Variants in ADGRL3 observed in about 807,000 individuals in gnomAD.
The protein encoded by ADGRL3 is adhesion G protein-coupled receptor L3.
In ADGRL3, 62 loss-of-function variants were observed where a neutral mutation model predicts 153.5. The ratio of observed to expected loss-of-function variants is 0.40; its 90% CI spans 0.33 to 0.50. The LOEUF (loss-of-function observed/expected upper bound fraction) is 0.50. Among genes scored for constraint, ADGRL3 ranks in the 20% least tolerant of loss-of-function variants. The pLI, the probability that ADGRL3 is intolerant of heterozygous loss-of-function variation, is 0.47. For missense variants in ADGRL3, 1,641 were observed against 1,859.4 expected, an observed-to-expected ratio of 0.88 and a Z score of 2.16; for synonymous variants, 710 against 672.5, an observed-to-expected ratio of 1.06 and a Z score of -0.86.
At chr4:61,699,498 G>A (rs923834905) in intron 6 of ADGRL3, among the ~76,000 whole-genome samples, 22 of 152,150 alleles carry the variant, frequency 1.4e-4, no homozygotes, top group East Asian at 1.9e-4. Context: ...ATCTTGTGGG[G>A]CCTTGTGGGA....
intron 5 of ADGRL3, among the ~76,000 whole-genome samples, chr4:61,651,965 T>C (rs1380822311): frequency 6.6e-6 from 1 of 151,876 alleles, no homozygotes; most frequent in African/African-American, 2.4e-5. Context: ...AAAACAAAAT[T>C]TGTATTAAAA....
At chr4:61,598,301 A>G (rs2098997554) in intron 5 of ADGRL3, among the ~76,000 whole-genome samples, 2 of 152,198 alleles carry the variant, frequency 1.3e-5, no homozygotes, top group South Asian at 2.1e-4. Context: ...CTGCGAACTA[A>G]CAGAAAAGTG....
intron 13 of ADGRL3, among the ~76,000 whole-genome samples, chr4:61,922,320 T>C (rs959913445): frequency 4.6e-5 from 7 of 152,274 alleles, no homozygotes; most frequent in African/African-American, 7.2e-5. Flanking sequence ...CTAATAGATA[T>C]TATTTTTTGA....
In ADGRL3 at chr4:61,432,616, T is replaced by C. The variant is rs925961533; in HGVS notation, c.-174+49427T>C. On this transcript the variant is annotated intron_variant, in intron 2 of 26. Coordinates refer to ENST00000683033, the MANE Select transcript of ADGRL3 (RefSeq NM_001387552.1). ...TTTCTTTCTTTCTTTCTTTCTTTCT[T>C]TCTTTCTTTCTTTCTTTCTTTCTTT... 1.2e-4 allele frequency among the ~76,000 whole-genome samples: 9 copies of C among 77,972 alleles called. 1 individual carries two copies. The highest frequency in any genetic ancestry group is 2.4e-4 in the East Asian group (1 of 4,090). The allele number at this position is 77,972 out of a possible 152,430, so 51.2% of individuals were successfully genotyped here.
intron 5 of ADGRL3, among the ~76,000 whole-genome samples, chr4:61,619,246 A>G (rs908289356): frequency 1.5e-4 from 23 of 152,190 alleles, no homozygotes. Context: ...ACAAAGTTTT[A>G]TCATGAGTAT....
intron 4 of ADGRL3, among the ~76,000 whole-genome samples, chr4:61,584,880 A>G (rs1381502460): frequency 2.0e-5 from 3 of 151,970 alleles, no homozygotes; most frequent in African/African-American, 7.2e-5. Context: ...AAATGTCTAT[A>G]TCCATGAAAA....
chr4:61,659,474 A>G (rs1309064664), intron 5 of ADGRL3, among the ~76,000 whole-genome samples: 3 of 152,208 alleles, frequency 2.0e-5, no homozygotes, highest in Admixed American at 6.5e-5. Flanking sequence ...GACACATGGT[A>G]GTCTTTTAAT....
chr4:62,010,704 A>AT (rs11368785), intron 21 of ADGRL3, among the ~76,000 whole-genome samples: 134,979 of 151,966 alleles, frequency 0.89, 60,641 homozygotes, highest in South Asian at 0.95. Flanking sequence ...TCTTATGAAA[A>AT]GGGAACATTT....
Position 61,513,838 on chromosome 4 carries a change from G to A in ADGRL3, c.56-3477G>A, listed in dbSNP as rs573621980. Among the ~76,000 whole-genome samples the A allele has an allele frequency of 2.6e-5, 4 of 152,214 alleles. No individual in the cohort carries two copies. In the South Asian group the frequency reaches 8.3e-4, roughly 32 times the overall value. ...TGAAGATGGATAGAAAGAACAAGAT[G>A]CATTGACCTTATTATAGCTTCCTGC... On this transcript the variant is annotated intron_variant, in intron 3 of 26. Transcript: ENST00000683033.
chr4:62,030,590 A>G (rs551873049), intron 22 of ADGRL3, among the ~76,000 whole-genome samples: 1 of 151,708 alleles, frequency 6.6e-6, no homozygotes, highest in Admixed American at 6.6e-5. Flanking sequence ...ATCTTGGAGG[A>G]AACTAAGAGA....
At chr4:61,977,429 A>C (rs908226920) in intron 17 of ADGRL3, among the ~76,000 whole-genome samples, 8 of 152,102 alleles carry the variant, frequency 5.3e-5, no homozygotes, top group African/African-American at 1.7e-4. Context: ...CAAACACTAA[A>C]AGTAATTTAA....
At chr4:61,317,311 T>TA (rs1195705497) in intron 1 of ADGRL3, among the ~76,000 whole-genome samples, 5 of 152,214 alleles carry the variant, frequency 3.3e-5, no homozygotes, top group African/African-American at 1.2e-4. Flanking sequence ...GTAATTATTT[T>TA]AACTTTTTAA....
At chr4:62,007,356 T>TTATATATATATATATATATATATATATA (rs71666906) in intron 21 of ADGRL3, among the ~76,000 whole-genome samples, 4 of 30,916 alleles carry the variant, frequency 1.3e-4, no homozygotes, top group African/African-American at 2.5e-4. Flanking sequence ...GACAAAATGA[T>TTATATATATATATATATATATATATATA]TATATATATA....
At chr4:61,779,318 G>C (rs1044826730) in intron 8 of ADGRL3, among the ~76,000 whole-genome samples, 1 of 151,764 alleles carries the variant, frequency 6.6e-6, no homozygotes, top group African/African-American at 2.4e-5. Context: ...CTCTGCGGGG[G>C]GGTGGAGCCC....
chr4:61,495,431 G>C (rs2152801902), intron 2 of ADGRL3, among the ~76,000 whole-genome samples: 1 of 143,062 alleles, frequency 7.0e-6, no homozygotes, highest in African/African-American at 2.6e-5. Context: ...AGAAAAGAAA[G>C]ACAGAAAGAA....
intron 2 of ADGRL3, among the ~76,000 whole-genome samples, chr4:61,471,226 A>G (rs768861829): frequency 1.1e-4 from 17 of 151,902 alleles, no homozygotes; most frequent in Non-Finnish European, 2.1e-4. Flanking sequence ...TCAACAGTCT[A>G]TATTTTCCAT....
intron 17 of ADGRL3, among the ~76,000 whole-genome samples, chr4:61,955,459 G>A (rs1560425993): frequency 6.6e-6 from 1 of 152,150 alleles, no homozygotes; most frequent in East Asian, 1.9e-4. Flanking sequence ...ACTTTGAAAT[G>A]ATTTTTCTTT....
chr4:61,206,881 C>G (rs113153953), intron 1 of ADGRL3, among the ~76,000 whole-genome samples: 1 of 151,784 alleles, frequency 6.6e-6, no homozygotes. Flanking sequence ...ATTCGGGAGG[C>G]TTGAAGCAGG....
rs371439989 is a variant in ADGRL3 at position 61,946,970 on chromosome 4, G to A, written c.2476G>A (p.Glu826Lys). The change falls in exon 16 of 27, where the codon GAG (glutamate) becomes AAG (lysine). Residue 826 changes from glutamate (E) to lysine (K), a missense_variant. Around this residue, in one of 5 missense-constraint regions of ADGRL3, gnomAD observed 734 missense variants for 797.0 expected, o/e 0.92. Coordinates refer to ENST00000683033, the MANE Select transcript of ADGRL3 (RefSeq NM_001387552.1). ...YNNLGPYLST[E>K]NASMKLGTEA... ...CAACTTGGGTCCTTATTTATCCACG[G>A]AGAATGCCAGTATGAAGTTGGGAAC... is the stretch of plus-strand genomic sequence containing the variant. The A allele has an allele frequency of 9.9e-6, 16 of 1,613,694 alleles. No homozygotes were observed. The African/African-American group carries it at 1.5e-4, about 15-fold the overall frequency.
Sources: allele counts gnomAD v4.1 joint callset (sites outside exome capture counted in the v4.1 genomes callset), GRCh38; gene constraint gnomAD v4.1.1; regional missense constraint gnomAD v4.1.1; transcripts MANE v1.5; gene names NCBI Gene and HGNC (gene_info 2026-07-23, HGNC 2026-07-21).